The following LRFN2 variants were observed in gnomAD, a reference collection of about 807,000 sequenced individuals.
The protein encoded by LRFN2 is leucine-rich repeat and fibronectin type-III domain-containing protein 2.
Under a neutral mutation model 37.3 loss-of-function variants are expected in LRFN2, and 18 were observed. The observed-to-expected ratio is 0.48, with a 90% CI of 0.33 to 0.72. The LOEUF (loss-of-function observed/expected upper bound fraction) is 0.72, where lower values mean the gene tolerates loss of function less well. LRFN2 is among the 30% of genes least tolerant of loss of function. The pLI is 0.02. For missense variants in LRFN2, 1,006 were observed against 1,060.7 expected (o/e 0.95, Z 0.72); for synonymous variants, 556 against 466.6 (o/e 1.19, Z -2.47).
chr6:40,495,065 G>A (rs949164398), intron 1 of LRFN2, among the ~76,000 whole-genome samples: 1 of 152,188 alleles, frequency 6.6e-6, no homozygotes, highest in Admixed American at 6.5e-5. Flanking sequence ...TAACACACAG[G>A]TAGACTAGTT....
chr6:40,467,633 A>T (rs185948077), intron 1 of LRFN2, among the ~76,000 whole-genome samples: 2 of 152,188 alleles, frequency 1.3e-5, no homozygotes, highest in South Asian at 2.1e-4. Flanking sequence ...GAGCCTGGGC[A>T]TTGATCAAGG....
intron 1 of LRFN2, among the ~76,000 whole-genome samples, chr6:40,503,055 T>G (rs375274786): frequency 1.1e-3 from 173 of 152,126 alleles, no homozygotes; most frequent in African/African-American, 4.0e-3. Flanking sequence ...TGGGAGGCCA[T>G]GGAACCTAGA....
intron 2 of LRFN2, among the ~76,000 whole-genome samples, chr6:40,398,128 T>C (rs954848675): frequency 6.6e-6 from 1 of 151,896 alleles, no homozygotes; most frequent in Non-Finnish European, 1.5e-5. Context: ...GTTGACACTT[T>C]GGCTGACTAT....
intron 1 of LRFN2, among the ~76,000 whole-genome samples, chr6:40,475,193 T>A (rs1487824490): frequency 6.6e-6 from 1 of 152,206 alleles, no homozygotes; most frequent in Non-Finnish European, 1.5e-5. Flanking sequence ...ACTGAGCCTA[T>A]GTGTTTGACC....
intron 1 of LRFN2, among the ~76,000 whole-genome samples, chr6:40,495,940 C>T (rs994587086): frequency 6.6e-6 from 1 of 152,200 alleles, no homozygotes; most frequent in Non-Finnish European, 1.5e-5. Context: ...GCCACCTCCA[C>T]TTGGATATCT....
chr6:40,571,670 C>T (rs1767189697), intron 1 of LRFN2, among the ~76,000 whole-genome samples: 2 of 152,218 alleles, frequency 1.3e-5, no homozygotes, highest in African/African-American at 4.8e-5. Flanking sequence ...GAGGGCAGGG[C>T]CAGGTCCGAT....
intron 1 of LRFN2, among the ~76,000 whole-genome samples, chr6:40,469,123 G>A (rs1055225534): frequency 6.6e-6 from 1 of 152,186 alleles, no homozygotes; most frequent in Non-Finnish European, 1.5e-5. Context: ...CACAGGAGGG[G>A]AAGACACACA....
intron 2 of LRFN2, among the ~76,000 whole-genome samples, chr6:40,401,671 G>T (rs1232077534): frequency 6.6e-6 from 1 of 152,138 alleles, no homozygotes. Flanking sequence ...GAGAGACAGG[G>T]TGAATGTGTG....
intron 1 of LRFN2, among the ~76,000 whole-genome samples, chr6:40,508,258 G>C (rs1408843168): frequency 6.6e-6 from 1 of 152,246 alleles, no homozygotes; most frequent in Non-Finnish European, 1.5e-5. Flanking sequence ...CATGCTGCAG[G>C]TAAGGGGCAG....
chr6:40,423,075 G>A (rs1763266701), intron 2 of LRFN2, among the ~76,000 whole-genome samples: 1 of 152,160 alleles, frequency 6.6e-6, no homozygotes, highest in South Asian at 2.1e-4. Flanking sequence ...GGCAGGATGT[G>A]GGGATAGTAA....
At chr6:40,482,439 TC>T (rs1764853289) in intron 1 of LRFN2, among the ~76,000 whole-genome samples, 1 of 151,888 alleles carries the variant, frequency 6.6e-6, no homozygotes, top group Admixed American at 6.6e-5. Context: ...AACCACATCC[TC>T]CCCTTGGGGG....
At chr6:40,565,343 C>T (rs941988834) in intron 1 of LRFN2, among the ~76,000 whole-genome samples, 1 of 152,164 alleles carries the variant, frequency 6.6e-6, no homozygotes, top group Non-Finnish European at 1.5e-5. Context: ...CCATCCCCAT[C>T]AAGCTACCAA....
chr6:40,453,751 G>T (rs1764171990), intron 1 of LRFN2, among the ~76,000 whole-genome samples: 1 of 152,144 alleles, frequency 6.6e-6, no homozygotes, highest in African/African-American at 2.4e-5. Flanking sequence ...TTTTTAATTT[G>T]CTGAGGGCAT....
chr6:40,481,543 G>A (rs182846309), intron 1 of LRFN2, among the ~76,000 whole-genome samples: 146 of 152,158 alleles, frequency 9.6e-4, no homozygotes, highest in South Asian at 1.5e-3. Flanking sequence ...GTCCTATCTC[G>A]GGGATCAGAA....
intron 2 of LRFN2, among the ~76,000 whole-genome samples, chr6:40,404,299 T>C (rs1475773296): frequency 6.6e-6 from 1 of 152,152 alleles, no homozygotes; most frequent in Non-Finnish European, 1.5e-5. Flanking sequence ...TTTTGTTTTT[T>C]GTTTTTTTTT....
Position 40,392,944 on chromosome 6 carries a change from G to A in LRFN2, c.1401-32C>T, listed in dbSNP as rs376128751. ...AGGGAGGTGGACAGAAATAGTGAGG[G>A]GTGGTGGGGTGGAAGGACAGGGTGA... On this transcript the variant is annotated intron_variant, in intron 2 of 2. Transcript: ENST00000338305. The surrounding 1 kb of genome is among the most constrained non-coding windows in gnomAD (Gnocchi z 4.7). 2 of 1,575,262 alleles carry A rather than the reference G, an allele frequency of 1.3e-6. No individual in the cohort carries two copies. Among genetic ancestry groups the A allele is most frequent in the Admixed American group, 1.7e-5 (1 of 58,266 alleles).
chr6:40,424,771 A>T lies in LRFN2; in HGVS notation c.1400+6943T>A, dbSNP rs1489650398. 5.3e-5 allele frequency among the ~76,000 whole-genome samples: 8 copies of T among 152,250 alleles called. No homozygotes were observed. In the East Asian group the frequency reaches 7.7e-4, roughly 15 times the overall value. ...TCTTGGGAAACAGCCGAGTCAAAGA[A>T]TCTTCTCTCACAGGTCCTGTTCCTG... On this transcript the variant is annotated intron_variant, in intron 2 of 2. Transcript: ENST00000338305.
At chr6:40,532,260 A>G (rs1411281862) in intron 1 of LRFN2, among the ~76,000 whole-genome samples, 1 of 152,232 alleles carries the variant, frequency 6.6e-6, no homozygotes, top group African/African-American at 2.4e-5. Flanking sequence ...TGGGGTCATC[A>G]TATCCCAGAG....
At chr6:40,528,456 G>A (rs1766293397) in intron 1 of LRFN2, among the ~76,000 whole-genome samples, 1 of 152,184 alleles carries the variant, frequency 6.6e-6, no homozygotes, top group South Asian at 2.1e-4. Flanking sequence ...AGGTCCTGAT[G>A]CCTCTGGCCT....
Sources: gnomAD v4.1 joint callset for allele counts (sites outside exome capture counted in the v4.1 genomes callset) on GRCh38, gnomAD v4.1.1 for gene constraint, Gnocchi (gnomAD v3.1) non-coding constraint, MANE v1.5 for transcripts, NCBI Gene and HGNC (gene_info 2026-07-23, HGNC 2026-07-21) for gene names.